METTL15: variants seen among roughly 807,000 people sequenced by gnomAD.
The protein encoded by METTL15 is methyltransferase 15, mitochondrial 12S rRNA N4-cytidine.
Under a neutral mutation model 38.3 loss-of-function variants are expected in METTL15, and 34 were observed. That is an observed-to-expected ratio of 0.89 (90% CI 0.68 to 1.18). The LOEUF is 1.18. Ranked by LOEUF, METTL15 falls within the 50% of genes most tolerant of loss-of-function variation. The probability of loss-of-function intolerance (pLI) is 0.00; values close to 1 mark genes in which losing one functional copy is unlikely to be tolerated. For missense variants in METTL15, 438 were observed against 498.4 expected (o/e 0.88, Z 1.15); for synonymous variants, 162 against 170.9 (o/e 0.95, Z 0.41).
chr11:28,181,276 A>C (rs372648435), intron 3 of METTL15, among the ~76,000 whole-genome samples: 1 of 76,880 alleles, frequency 1.3e-5, no homozygotes, highest in East Asian at 3.9e-4. Flanking sequence ...TTTTTTTTGT[A>C]TTTTAAGTTC....
intron 4 of METTL15, among the ~76,000 whole-genome samples, chr11:28,221,540 T>A (rs1853222411): frequency 6.6e-6 from 1 of 152,212 alleles, no homozygotes; most frequent in South Asian, 2.1e-4. Flanking sequence ...TTTGATCGTC[T>A]GAAGCCTTCT....
At chr11:28,310,938 G>C (rs1435114595) in intron 6 of METTL15, among the ~76,000 whole-genome samples, 15 of 141,800 alleles carry the variant, frequency 1.1e-4, no homozygotes, top group African/African-American at 2.4e-4. Context: ...GGTGGTGGTG[G>C]TGGTGGTGGT....
chr11:28,111,413 T>A (rs1414652544), intron 2 of METTL15, among the ~76,000 whole-genome samples: 1 of 152,210 alleles, frequency 6.6e-6, no homozygotes, highest in Non-Finnish European at 1.5e-5. Flanking sequence ...GCGTATACAT[T>A]GTACGTTCAT....
intron 3 of METTL15, among the ~76,000 whole-genome samples, chr11:28,176,922 A>G (rs1200495224): frequency 6.6e-6 from 1 of 152,160 alleles, no homozygotes; most frequent in Non-Finnish European, 1.5e-5. Context: ...GAATAGCTGG[A>G]TAATGGACAT....
chr11:28,350,993 T>G (rs991076984), intron 3 of METTL15, among the ~76,000 whole-genome samples: 2 of 152,196 alleles, frequency 1.3e-5, no homozygotes, highest in Non-Finnish European at 2.9e-5. Context: ...GTTTATCCAG[T>G]GAGAAATTAG....
chr11:28,322,333 A>G (rs1462478433), intron 6 of METTL15, among the ~76,000 whole-genome samples: 3 of 152,124 alleles, frequency 2.0e-5, no homozygotes, highest in Non-Finnish European at 4.4e-5. Flanking sequence ...GCAGAGACCA[A>G]CATCACATCA....
At chr11:28,471,165 G>A (rs762610881) in intron 6 of METTL15, among the ~76,000 whole-genome samples, 1 of 151,994 alleles carries the variant, frequency 6.6e-6, no homozygotes, top group East Asian at 1.9e-4. Context: ...TTCTCAACAG[G>A]TCAGACTTGT....
chr11:28,419,548 C>T (rs1400467833), intron 5 of METTL15, among the ~76,000 whole-genome samples: 1 of 152,122 alleles, frequency 6.6e-6, no homozygotes, highest in Non-Finnish European at 1.5e-5. Flanking sequence ...AGGACAGATA[C>T]AAACAAGTCC....
At chr11:28,138,721 G>A (rs1005060831) in intron 3 of METTL15, among the ~76,000 whole-genome samples, 14 of 152,280 alleles carry the variant, frequency 9.2e-5, no homozygotes, top group African/African-American at 3.4e-4. Flanking sequence ...TTTTAAAATG[G>A]CAGAGGCCAA....
At chr11:28,178,924 G>C (rs1302053165) in intron 3 of METTL15, among the ~76,000 whole-genome samples, 1 of 151,740 alleles carries the variant, frequency 6.6e-6, no homozygotes, top group African/African-American at 2.4e-5. Flanking sequence ...AGTACAAATT[G>C]TTTTCAGACT....
At chr11:28,233,230 A>T (rs1479815198) in intron 4 of METTL15, among the ~76,000 whole-genome samples, 1 of 152,112 alleles carries the variant, frequency 6.6e-6, no homozygotes, top group Non-Finnish European at 1.5e-5. Flanking sequence ...TTGTTAGGAC[A>T]TAATATACTG....
intron 6 of METTL15, among the ~76,000 whole-genome samples, chr11:28,503,561 G>A (rs1851601763): frequency 6.6e-6 from 1 of 152,178 alleles, no homozygotes; most frequent in Non-Finnish European, 1.5e-5. Flanking sequence ...GGGAGGCCAA[G>A]GCAGGTGGAT....
chr11:28,230,553 T>C (rs1439903162), intron 4 of METTL15, among the ~76,000 whole-genome samples: 2 of 151,938 alleles, frequency 1.3e-5, no homozygotes, highest in Admixed American at 1.3e-4. Context: ...ATAATACATA[T>C]TTAGAGACAT....
chr11:28,139,252 T>A (rs1480960129), intron 3 of METTL15, among the ~76,000 whole-genome samples: 2 of 152,020 alleles, frequency 1.3e-5, no homozygotes, highest in African/African-American at 4.8e-5. Flanking sequence ...GAGTAAGGAT[T>A]TTTTTTTCCC....
downstream of METTL15, among the ~76,000 whole-genome samples, chr11:28,336,187 T>C (rs913494746): frequency 1.3e-5 from 2 of 152,156 alleles, no homozygotes; most frequent in African/African-American, 4.8e-5. Flanking sequence ...CAGTATTTGC[T>C]ACACCTTGAC....
downstream of METTL15, among the ~76,000 whole-genome samples, chr11:28,529,555 C>T (rs537994380): frequency 8.4e-5 from 11 of 130,530 alleles, no homozygotes; most frequent in Non-Finnish European, 1.1e-4. Flanking sequence ...CTACTTCTTT[C>T]GTGAATTGAG....
At chr11:28,322,905 A>G (rs1849517710) in intron 6 of METTL15, among the ~76,000 whole-genome samples, 4 of 152,222 alleles carry the variant, frequency 2.6e-5, no homozygotes. Context: ...ACTTGACACT[A>G]CAAACATTTG....
chr11:28,396,056 C>A (rs989833998), intron 5 of METTL15, among the ~76,000 whole-genome samples: 1 of 152,100 alleles, frequency 6.6e-6, no homozygotes, highest in Admixed American at 6.6e-5. Context: ...GTCCTTCATG[C>A]TAAAAACTCT....
chr11:28,258,211 C>CT (rs1465459187), intron 4 of METTL15, among the ~76,000 whole-genome samples: 1 of 152,146 alleles, frequency 6.6e-6, no homozygotes, highest in Non-Finnish European at 1.5e-5. Flanking sequence ...ACTCCCTTCC[C>CT]TTACTTTCTT....
Sources: gnomAD v4.1 joint callset for allele counts (sites outside exome capture counted in the v4.1 genomes callset) on GRCh38, gnomAD v4.1.1 for gene constraint, MANE v1.5 for transcripts, NCBI Gene and HGNC (gene_info 2026-07-23, HGNC 2026-07-21) for gene names.